Variants in MYLK observed in about 807,000 individuals in gnomAD.
The protein encoded by MYLK is myosin light chain kinase, also known as myosin light chain kinase, smooth muscle.
A neutral mutation model predicts 203.4 loss-of-function variants in MYLK; 106 were observed. The ratio of observed to expected loss-of-function variants is 0.52; its 90% CI spans 0.45 to 0.61. The LOEUF (loss-of-function observed/expected upper bound fraction) is 0.61. Among genes scored for constraint, MYLK ranks in the 20% least tolerant of loss-of-function variants. The probability of loss-of-function intolerance (pLI) is 0.00; values close to 1 mark genes in which losing one functional copy is unlikely to be tolerated. For synonymous variants in MYLK, 867 were observed against 959.5 expected, an observed-to-expected ratio of 0.90 and a Z score of 1.78; for missense variants, 2,072 against 2,442.3, an observed-to-expected ratio of 0.85 and a Z score of 3.20.
At chr3:123,670,506 G>C (rs552718478) in intron 20 of MYLK, among the ~76,000 whole-genome samples, 11 of 152,254 alleles carry the variant, frequency 7.2e-5, no homozygotes, top group Non-Finnish European at 1.2e-4. Context: ...TGTAATCCCA[G>C]CGCTTTGGGA....
intron 27 of MYLK, among the ~76,000 whole-genome samples, chr3:123,646,002 G>A (rs1309372299): frequency 1.3e-5 from 2 of 152,126 alleles, no homozygotes; most frequent in Admixed American, 6.5e-5. Flanking sequence ...AATTAGCTGG[G>A]TGAGGTGGCG....
intron 2 of MYLK, among the ~76,000 whole-genome samples, chr3:123,832,338 A>G (rs765902271): frequency 2.0e-5 from 3 of 152,066 alleles, no homozygotes; most frequent in Non-Finnish European, 2.9e-5. Context: ...GGAAAATCTC[A>G]CTTCTTAAGA....
intron 5 of MYLK, among the ~76,000 whole-genome samples, chr3:123,742,302 A>G (rs1305925440): frequency 6.6e-6 from 1 of 152,246 alleles, no homozygotes; most frequent in Non-Finnish European, 1.5e-5. Flanking sequence ...TATTTGTTAA[A>G]TACATTTTGT....
chr3:123,769,569 G>A (rs973237916), intron 4 of MYLK, among the ~76,000 whole-genome samples: 2 of 152,192 alleles, frequency 1.3e-5, no homozygotes, highest in African/African-American at 4.8e-5. Flanking sequence ...CCCAGCCTGG[G>A]TGTCACTTCA....
intron 16 of MYLK, among the ~76,000 whole-genome samples, chr3:123,703,940 T>C (rs1485590045): frequency 6.6e-6 from 1 of 152,234 alleles, no homozygotes; most frequent in Non-Finnish European, 1.5e-5. Flanking sequence ...TGGACTCCTC[T>C]GAGGCTTTGG....
chr3:123,855,547 G>C (rs1357668385), intron 2 of MYLK, among the ~76,000 whole-genome samples: 1 of 152,018 alleles, frequency 6.6e-6, no homozygotes, highest in East Asian at 1.9e-4. Flanking sequence ...GTTGAGGTGG[G>C]AGGTTTGCTT....
intron 2 of MYLK, among the ~76,000 whole-genome samples, chr3:123,837,279 C>A (rs1199705553): frequency 3.9e-5 from 6 of 151,944 alleles, no homozygotes; most frequent in African/African-American, 1.5e-4. Flanking sequence ...TGATCCACCC[C>A]CTTGGCCTCC....
Position 123,735,372 on chromosome 3 carries a change from G to A in MYLK, c.773+26C>T, listed in dbSNP as rs777472897. ...TGCAGGGCATTTCAAGAGGGAAAAC[G>A]TAAAAGTCACAAAGCCTAGACATAC... On this transcript the variant is annotated intron_variant, in intron 9 of 33. Coordinates refer to ENST00000360304, the MANE Select transcript of MYLK (RefSeq NM_053025.4). The A allele has an allele frequency of 1.2e-5, 19 of 1,613,732 alleles. No homozygotes were observed. In the African/African-American group the frequency reaches 2.0e-4, roughly 17 times the overall value.
intron 1 of MYLK, among the ~76,000 whole-genome samples, chr3:123,882,697 G>T (rs1302883116): frequency 6.6e-6 from 1 of 152,284 alleles, no homozygotes; most frequent in East Asian, 1.9e-4. Flanking sequence ...CCAGCATCCA[G>T]AGTCCAACCA....
At chr3:123,863,896 T>C (rs1049485196) in intron 2 of MYLK, among the ~76,000 whole-genome samples, 3 of 152,188 alleles carry the variant, frequency 2.0e-5, no homozygotes, top group African/African-American at 7.2e-5. Flanking sequence ...AAAAGACCTA[T>C]ACAAAAATAT....
chr3:123,700,389 C>G lies in MYLK; in HGVS notation c.3079G>C (p.Gly1027Arg), dbSNP rs1217929813. The G allele has an allele frequency of 3.7e-6, 6 of 1,613,616 alleles. No homozygotes were observed. The highest frequency in any genetic ancestry group is 5.1e-6 in the Non-Finnish European group (6 of 1,179,964). Residue 1027 changes from glycine (G) to arginine (R), a missense_variant, in exon 18 of 34, where the codon GGC becomes CGC. By Grantham distance (125) the Gly-to-Arg change is moderately radical (BLOSUM62 -2). This residue lies in a region of MYLK where 865 missense variants were observed against 1,016.0 expected (regional missense o/e 0.85). Transcript: ENST00000360304. ...AQPSGPLKPV[G>R]NAKPAETLKP... is the part of the protein sequence containing the mutation. The stretch of plus-strand genomic sequence containing the variant: ...AGGGTCTCAGCAGGCTTGGCGTTGC[C>G]CACGGGTTTCAAGGGCCCTGAAGGC...
At chr3:123,627,055 C>G in intron 30 of MYLK, 114 bp from the exon 31 acceptor site, 1 of 1,233,266 alleles carries the variant, frequency 8.1e-7, no homozygotes, top group South Asian at 1.3e-5. Flanking sequence ...AGCCCAGGGC[C>G]CCTGCTCCCG....
At chr3:123,854,901 A>G (rs767075625) in intron 2 of MYLK, among the ~76,000 whole-genome samples, 28 of 152,280 alleles carry the variant, frequency 1.8e-4, no homozygotes, top group Middle Eastern at 3.4e-3. Context: ...TCAACACAGA[A>G]AAGTTACTCC....
intron 20 of MYLK, among the ~76,000 whole-genome samples, chr3:123,679,690 T>G (rs1182792969): frequency 2.0e-5 from 3 of 152,198 alleles, no homozygotes; most frequent in Non-Finnish European, 4.4e-5. Flanking sequence ...CTACTGGAGT[T>G]AATCCAGTCA....
intron 4 of MYLK, among the ~76,000 whole-genome samples, chr3:123,760,330 C>T (rs1286918472): frequency 6.6e-6 from 1 of 152,164 alleles, no homozygotes; most frequent in Non-Finnish European, 1.5e-5. Context: ...AGGCATGCAC[C>T]ACCACGCCCA....
At chr3:123,804,164 C>T (rs976555080) in intron 3 of MYLK, among the ~76,000 whole-genome samples, 2 of 152,166 alleles carry the variant, frequency 1.3e-5, no homozygotes, top group Non-Finnish European at 2.9e-5. Flanking sequence ...CTTTCAATCA[C>T]TTCATTCTTC....
chr3:123,767,440 G>A (rs1310148110), intron 4 of MYLK, among the ~76,000 whole-genome samples: 1 of 152,114 alleles, frequency 6.6e-6, no homozygotes, highest in Non-Finnish European at 1.5e-5. Context: ...AACCCCGCCT[G>A]TACTAAAAAT....
chr3:123,738,829 T>C, intron 7 of MYLK, 68 bp downstream of exon 7: 1 of 1,547,478 alleles, frequency 6.5e-7, no homozygotes, highest in South Asian at 1.2e-5. Context: ...GTCTCGGGTA[T>C]GTCTATTAGC....
chr3:123,870,891 G>C (rs1316062889), intron 2 of MYLK, among the ~76,000 whole-genome samples: 1 of 152,158 alleles, frequency 6.6e-6, no homozygotes, highest in Admixed American at 6.5e-5. Flanking sequence ...AAACTATTAG[G>C]AGAGAACCCT....
Sources: allele counts gnomAD v4.1 joint callset (sites outside exome capture counted in the v4.1 genomes callset), GRCh38; gene constraint gnomAD v4.1.1; regional missense constraint gnomAD v4.1.1; transcripts MANE v1.5; gene names NCBI Gene and HGNC (gene_info 2026-07-23, HGNC 2026-07-21).